Variants in LINGO2 observed in about 807,000 individuals in gnomAD.
LINGO2 encodes leucine-rich repeat and immunoglobulin-like domain-containing nogo receptor-interacting protein 2.
In LINGO2, 14 loss-of-function variants were observed where a neutral mutation model predicts 30.6. That is an observed-to-expected ratio of 0.46 (90% confidence interval 0.30 to 0.72). The LOEUF is 0.72. Among genes scored for constraint, LINGO2 ranks in the 30% least tolerant of loss-of-function variants. LINGO2 has a pLI of 0.07. For missense variants in LINGO2, 729 were observed against 751.7 expected (o/e 0.97, Z 0.35); for synonymous variants, 317 against 288.5 (o/e 1.10, Z -1.00).
At chr9:27,999,435 T>TGAGAGAGAGAGAGAGA (rs1156717819) in intron 5 of LINGO2, among the ~76,000 whole-genome samples, 19 of 103,014 alleles carry the variant, frequency 1.8e-4, no homozygotes, top group African/African-American at 6.1e-4. Flanking sequence ...TGCCTAATCT[T>TGAGAGAGAGAGAGAGA]CAGAGAGAGA....
At chr9:28,103,888 C>A (rs1826490179) in intron 4 of LINGO2, among the ~76,000 whole-genome samples, 1 of 152,110 alleles carries the variant, frequency 6.6e-6, no homozygotes, top group African/African-American at 2.4e-5. Context: ...GCTCTGGAAA[C>A]AATGAGGAAG....
At chr9:28,511,942 T>A (rs1482392874) in intron 1 of LINGO2, among the ~76,000 whole-genome samples, 1 of 152,156 alleles carries the variant, frequency 6.6e-6, no homozygotes, top group Non-Finnish European at 1.5e-5. Flanking sequence ...TGAAAAACCG[T>A]CTGTGAACCA....
chr9:29,166,704 T>C, the LINGO2 span, among the ~76,000 whole-genome samples: 4 of 152,150 alleles, frequency 2.6e-5, no homozygotes, highest in Non-Finnish European at 5.9e-5. Context: ...AACTGAAATG[T>C]TTTATAAACT....
intron 2 of LINGO2, among the ~76,000 whole-genome samples, chr9:28,419,597 A>G (rs917277247): frequency 6.0e-5 from 6 of 100,686 alleles, no homozygotes; most frequent in Non-Finnish European, 9.6e-5. Flanking sequence ...ACAAATGTGG[A>G]GATAGATTAA....
chr9:29,013,224 T>G, the LINGO2 span, among the ~76,000 whole-genome samples: 7 of 152,178 alleles, frequency 4.6e-5, no homozygotes, highest in Non-Finnish European at 5.9e-5. Context: ...TCTGACAAAC[T>G]AATTCACTTT....
At chr9:28,469,276 A>G (rs1324352497) in intron 2 of LINGO2, among the ~76,000 whole-genome samples, 5 of 151,992 alleles carry the variant, frequency 3.3e-5, no homozygotes, top group Non-Finnish European at 7.4e-5. Flanking sequence ...AAAAAGAAAA[A>G]AAAAAAGAGT....
intron 4 of LINGO2, among the ~76,000 whole-genome samples, chr9:28,270,143 A>C (rs1822889571): frequency 6.6e-6 from 1 of 152,268 alleles, no homozygotes; most frequent in East Asian, 1.9e-4. Flanking sequence ...AAAGTGACAG[A>C]AACAATGTCC....
the LINGO2 span, among the ~76,000 whole-genome samples, chr9:28,760,299 T>C: frequency 6.6e-6 from 1 of 152,004 alleles, no homozygotes; most frequent in Admixed American, 6.5e-5. Context: ...GGCTTCTAAA[T>C]AGGTAATTTA....
the LINGO2 span, among the ~76,000 whole-genome samples, chr9:29,154,573 ACT>A: frequency 6.6e-6 from 1 of 152,034 alleles, no homozygotes; most frequent in Non-Finnish European, 1.5e-5. Context: ...CATAAAATAA[ACT>A]CTGGTTAGTA....
At chr9:27,946,413 T>C (rs1206273043), downstream of LINGO2, among the ~76,000 whole-genome samples, 3 of 152,132 alleles carry the variant, frequency 2.0e-5, no homozygotes, top group Admixed American at 2.0e-4. Context: ...ACAAAATCTT[T>C]TAACTAAATC....
chr9:27,986,853 A>C (rs1436787271), intron 5 of LINGO2, among the ~76,000 whole-genome samples: 1 of 151,928 alleles, frequency 6.6e-6, no homozygotes. Context: ...GAGAAAGTAC[A>C]TGGTATCTTT....
rs934870077 is a variant in LINGO2 at position 28,042,055 on chromosome 9, G to A, written c.-86-29650C>T. On this transcript the variant is annotated intron_variant, in intron 4 of 5. Transcript: ENST00000379992. ...TTCAGTTTCATCATCTGTAAAATGG[G>A]GAGAATAAAATTTACCTACATACAT... Among the ~76,000 whole-genome samples, 7 of 152,188 alleles carry A rather than the reference G, an allele frequency of 4.6e-5. No individual in the cohort carries two copies. In the East Asian group the frequency reaches 1.4e-3, roughly 29 times the overall value.
At chr9:29,021,690 AAGGAAG>A in the LINGO2 span, among the ~76,000 whole-genome samples, 2 of 82,022 alleles carry the variant, frequency 2.4e-5, no homozygotes, top group African/African-American at 1.0e-4. Flanking sequence ...GAAAGGAAGG[AAGGAAG>A]GAAGGAAGGA....
chr9:28,786,274 T>C, the LINGO2 span, among the ~76,000 whole-genome samples: 1 of 152,168 alleles, frequency 6.6e-6, no homozygotes, highest in Non-Finnish European at 1.5e-5. Flanking sequence ...ACCTCCTTAA[T>C]TGCATTTTAG....
chr9:28,571,841 A>C (rs939370374), intron 1 of LINGO2, among the ~76,000 whole-genome samples: 2 of 152,126 alleles, frequency 1.3e-5, no homozygotes, highest in Non-Finnish European at 2.9e-5. Flanking sequence ...ATGGACCAGA[A>C]AATTAGCTAT....
At chr9:28,368,930 G>C (rs1056352098) in intron 3 of LINGO2, among the ~76,000 whole-genome samples, 1 of 152,084 alleles carries the variant, frequency 6.6e-6, no homozygotes, top group African/African-American at 2.4e-5. Flanking sequence ...ACTGATCTTA[G>C]GATTTGCAAG....
intron 1 of LINGO2, among the ~76,000 whole-genome samples, chr9:28,667,113 G>A (rs1024555514): frequency 5.3e-5 from 8 of 152,082 alleles, no homozygotes; most frequent in African/African-American, 1.9e-4. Context: ...TGCATGCTCC[G>A]TGAGAAGTAC....
chr9:28,771,498 TGTGTGTGTGAGA>T, the LINGO2 span, among the ~76,000 whole-genome samples: 342 of 78,242 alleles, frequency 4.4e-3, 2 homozygotes, highest in East Asian at 0.014. Flanking sequence ...TGTGTGTGTG[TGTGTGTGTGAGA>T]GAGAGAGAGA....
the LINGO2 span, among the ~76,000 whole-genome samples, chr9:29,185,480 C>A: frequency 6.6e-6 from 1 of 152,082 alleles, no homozygotes; most frequent in Admixed American, 6.6e-5. Flanking sequence ...ATATACACAA[C>A]CCCATGGGAT....
Sources: gnomAD v4.1 joint callset for allele counts (sites outside exome capture counted in the v4.1 genomes callset) on GRCh38, gnomAD v4.1.1 for gene constraint, MANE v1.5 for transcripts, NCBI Gene and HGNC (gene_info 2026-07-23, HGNC 2026-07-21) for gene names.